RIMS3: variants seen among roughly 807,000 people sequenced by gnomAD.
RIMS3 encodes regulating synaptic membrane exocytosis protein 3.
A neutral mutation model predicts 29.2 loss-of-function variants in RIMS3; 15 were observed. That is an observed-to-expected ratio of 0.51 (90% CI 0.34 to 0.79). The LOEUF (loss-of-function observed/expected upper bound fraction) is 0.79, where lower values mean the gene tolerates loss of function less well. Among genes scored for constraint, RIMS3 ranks in the 30% least tolerant of loss-of-function variants. The pLI is 0.01. For missense variants in RIMS3, 342 were observed against 421.4 expected, an observed-to-expected ratio of 0.81 and a Z score of 1.65; for synonymous variants, 161 against 170.1, an observed-to-expected ratio of 0.95 and a Z score of 0.41.
At chr1:40,639,409 G>A (rs181942249) in intron 3 of RIMS3, among the ~76,000 whole-genome samples, 1 of 152,332 alleles carries the variant, frequency 6.6e-6, no homozygotes, top group East Asian at 1.9e-4. Flanking sequence ...TAGATGGAGA[G>A]GAACGTGCTA....
chr1:40,691,775 C>T, the RIMS3 span: 639 of 453,994 alleles, frequency 1.4e-3, 1 homozygote, highest in Non-Finnish European at 2.3e-3. Flanking sequence ...ACGCACACTT[C>T]CCCCTCCCCT....
the RIMS3 span, among the ~76,000 whole-genome samples, chr1:40,685,348 ATATATT>A: frequency 1.9e-5 from 1 of 51,798 alleles, no homozygotes; most frequent in Non-Finnish European, 3.8e-5. Flanking sequence ...TATATTATAT[ATATATT>A]ATATAATATA....
At position 40,621,635 on chromosome 1, in the gene RIMS3, AGTTGAG is replaced by A. The variant is rs1339916984; in HGVS notation, c.*4876_*4881del. On this transcript the variant is annotated 3_prime_UTR_variant, in exon 8 of 8. Coordinates refer to ENST00000372684, the MANE Select transcript of RIMS3 (RefSeq NM_014747.3). ...AATGCTCTGATTTTGCAGATGAGGA[AGTTGAG>A]GCCCAGAAAAGTGAGGAGCCTTACC... 6.6e-6 allele frequency: 1 copy of A among 152,270 alleles called. No individual in the cohort carries two copies. The highest frequency in any genetic ancestry group is 1.5e-5 in the Non-Finnish European group (1 of 68,074). The allele number at this position is 152,270 out of a possible 1,614,324, so 9.4% of individuals were successfully genotyped here.
In RIMS3 at chr1:40,620,918, T is replaced by C. The variant is rs1646417040; in HGVS notation, c.*5599A>G. 1 of 152,690 alleles carries C rather than the reference T, an allele frequency of 6.5e-6. No individual in the cohort carries two copies. The highest frequency in any genetic ancestry group is 1.5e-5 in the Non-Finnish European group (1 of 68,062). 9.5% of individuals were successfully genotyped at this position (152,690 alleles called of 1,614,324 possible). ...ATTGCTTCTTATCTAAACAGTGTGC[T>C]TGTCAGTCCCTATCAGCTATCTCTC... On this transcript the variant is annotated 3_prime_UTR_variant, in exon 8 of 8. Coordinates refer to ENST00000372684, the MANE Select transcript of RIMS3 (RefSeq NM_014747.3).
the RIMS3 span, among the ~76,000 whole-genome samples, chr1:40,688,615 A>G: frequency 6.6e-6 from 1 of 152,196 alleles, no homozygotes; most frequent in Admixed American, 6.5e-5. Context: ...TCGCCAAGAC[A>G]CTTGCTGGGT....
the RIMS3 span, chr1:40,691,798 G>A: frequency 4.4e-6 from 2 of 449,930 alleles, no homozygotes; most frequent in African/African-American, 2.0e-5. Flanking sequence ...GCCGCGCCTG[G>A]GCCTCTGCAT....
chr1:40,671,913 C>T, the RIMS3 span, among the ~76,000 whole-genome samples: 1 of 151,976 alleles, frequency 6.6e-6, no homozygotes, highest in Admixed American at 6.6e-5. Flanking sequence ...CAGGCATGTA[C>T]CACCATGCCC....
chr1:40,639,779 G>C (rs1646544138), intron 3 of RIMS3, among the ~76,000 whole-genome samples: 1 of 152,096 alleles, frequency 6.6e-6, no homozygotes, highest in African/African-American at 2.4e-5. Context: ...CAGCGTACTA[G>C]ATGATCTCAA....
At chr1:40,646,165 G>A (rs3820529) in intron 2 of RIMS3, among the ~76,000 whole-genome samples, 40,800 of 152,156 alleles carry the variant, frequency 0.27, 5,937 homozygotes, top group Non-Finnish European at 0.33. Flanking sequence ...TTTTGACTGG[G>A]AGAGTTGAGT....
the RIMS3 span, among the ~76,000 whole-genome samples, chr1:40,686,994 T>C: frequency 4.0e-4 from 49 of 122,636 alleles, 1 homozygote; most frequent in Non-Finnish European, 7.6e-4. Flanking sequence ...GAAAACAGTA[T>C]GGTGGCTCCT....
chr1:40,690,411 G>C, the RIMS3 span: 1 of 151,754 alleles, frequency 6.6e-6, no homozygotes, highest in Non-Finnish European at 1.5e-5. Flanking sequence ...GCCCATGCTA[G>C]AGTGCAGCGA....
chr1:40,646,840 C>G (rs936301384), intron 2 of RIMS3, among the ~76,000 whole-genome samples: 1 of 152,088 alleles, frequency 6.6e-6, no homozygotes, highest in Admixed American at 6.6e-5. Context: ...CCAGGCTACC[C>G]TGGGCCCCTC....
chr1:40,643,940 C>T (rs1646577954), intron 2 of RIMS3, among the ~76,000 whole-genome samples: 1 of 152,166 alleles, frequency 6.6e-6, no homozygotes, highest in African/African-American at 2.4e-5. Context: ...CAGGTACCAC[C>T]CACCCCTTGT....
chr1:40,665,719 G>A (rs956266803), upstream of RIMS3: 1 of 152,900 alleles, frequency 6.5e-6, no homozygotes, highest in African/African-American at 2.4e-5. Flanking sequence ...GGGGAGGCGG[G>A]GCCTGCCGGG....
At chr1:40,660,955 T>C (rs1169331842) in intron 1 of RIMS3, among the ~76,000 whole-genome samples, 3 of 152,136 alleles carry the variant, frequency 2.0e-5, no homozygotes, top group African/African-American at 4.8e-5. Flanking sequence ...CCAAGCATCA[T>C]GCCCTTAGCC....
At position 40,635,705 on chromosome 1, in the gene RIMS3, T is replaced by C. The variant is rs1646514742; in HGVS notation, c.359+211A>G. Among the ~76,000 whole-genome samples the C allele has an allele frequency of 6.6e-6, 1 of 152,216 alleles. No individual in the cohort carries two copies. The highest frequency in any genetic ancestry group is 2.4e-5 in the African/African-American group (1 of 41,444). On this transcript the variant is annotated intron_variant, in intron 4 of 7. Coordinates refer to ENST00000372684, the MANE Select transcript of RIMS3 (RefSeq NM_014747.3). This position sits in a 1 kb window ranked among gnomAD's most constrained non-coding sequence, Gnocchi z 4.1. The stretch of plus-strand genomic sequence containing the variant: ...ACATACAGAAGGAACTGATAGCTCC[T>C]GGGTATCTGGATATTCCAATGGGAG...
chr1:40,630,492 T>C (rs1215244415), intron 5 of RIMS3, among the ~76,000 whole-genome samples: 2 of 152,188 alleles, frequency 1.3e-5, no homozygotes, highest in Admixed American at 6.5e-5. Context: ...TTTTAGATTA[T>C]CTGAGCCATC....
intron 1 of RIMS3, among the ~76,000 whole-genome samples, chr1:40,657,232 A>C (rs1230416016): frequency 6.6e-6 from 1 of 152,190 alleles, no homozygotes; most frequent in Admixed American, 6.5e-5. Context: ...ACGTCCACCC[A>C]GACACCTTTT....
intron 2 of RIMS3, among the ~76,000 whole-genome samples, chr1:40,643,635 C>T (rs1646575289): frequency 6.6e-6 from 1 of 152,024 alleles, no homozygotes; most frequent in Non-Finnish European, 1.5e-5. Context: ...CGCCACCATG[C>T]TCAGCTAATT....
Sources: gnomAD v4.1 joint callset for allele counts (sites outside exome capture counted in the v4.1 genomes callset) on GRCh38, gnomAD v4.1.1 for gene constraint, Gnocchi (gnomAD v3.1) non-coding constraint, MANE v1.5 for transcripts, NCBI Gene and HGNC (gene_info 2026-07-23, HGNC 2026-07-21) for gene names.